FOXM1: variants seen among roughly 807,000 people sequenced by gnomAD.
The protein encoded by FOXM1 is forkhead box protein M1.
In FOXM1, 25 loss-of-function variants were observed where a neutral mutation model predicts 63.6. The observed-to-expected ratio is 0.39, with a 90% CI of 0.29 to 0.55. The LOEUF is 0.55. Ranked by LOEUF, FOXM1 falls within the 20% of genes least tolerant of loss-of-function variation. FOXM1 has a pLI of 0.60. For synonymous variants in FOXM1, 387 were observed against 376.9 expected (o/e 1.03, Z -0.31); for missense variants, 879 against 958.7 (o/e 0.92, Z 1.10).
chr12:2,873,416 A>AAG (rs888307487), intron 2 of FOXM1, among the ~76,000 whole-genome samples: 1 of 149,282 alleles, frequency 6.7e-6, no homozygotes, highest in African/African-American at 2.5e-5. Context: ...AAAAAAAAAA[A>AAG]AAGAAGGAAA....
chr12:2,865,684 C>T (rs887148837), intron 5 of FOXM1, among the ~76,000 whole-genome samples: 1 of 111,554 alleles, frequency 9.0e-6, no homozygotes, highest in African/African-American at 3.3e-5. Flanking sequence ...CAGACTTTCA[C>T]TCTTATTGCC....
rs747166060 is a variant in FOXM1, at chr12:2,872,183, C to G, written c.567G>C (p.Lys189Asn). ...NSLSNIQWLR[K>N]MSSDGLGSRS... ...GGGAGCCCAGTCCATCAGAACTCAT[C>G]TTTCGAAGCCACTGGATGTTGGATA... Residue 189 changes from lysine (K) to asparagine (N), a missense_variant, in exon 3 of 9, where the codon AAG becomes AAC. This residue lies in a region of FOXM1 where 255 missense variants were observed against 292.4 expected (regional missense o/e 0.87). Transcript: ENST00000359843. The surrounding 1 kb of genome is among the most constrained non-coding windows in gnomAD (Gnocchi z 4.0). 1.2e-6 allele frequency: 2 copies of G among 1,614,230 alleles called. No individual in the cohort carries two copies. The highest frequency in any genetic ancestry group is 1.7e-6 in the Non-Finnish European group (2 of 1,180,044).
Position 2,871,658 on chromosome 12 carries a change from A to T in FOXM1, c.654+438T>A, listed in dbSNP as rs1156823827. 4.0e-5 allele frequency among the ~76,000 whole-genome samples: 6 copies of T among 150,304 alleles called. 1 individual carries two copies. The East Asian group carries it at 1.2e-3, about 29-fold the overall frequency. ...CAGAGCAAGACGCTGTCTTAAAAAA[A>T]AAAAATATATATACGTGTATATATA... is the stretch of plus-strand genomic sequence containing the variant. On this transcript the variant is annotated intron_variant, in intron 3 of 8. Coordinates refer to ENST00000359843, the MANE Select transcript of FOXM1 (RefSeq NM_021953.4).
Position 2,872,192 on chromosome 12 carries a change from C to T in FOXM1, c.558G>A (p.Trp186Ter). ...TINNSLSNIQ[W>*]LRKMSSDGLG... ...GTCCATCAGAACTCATCTTTCGAAG[C>T]CACTGGATGTTGGATAGGCTATTGT... The change falls in exon 3 of 9, where the codon TGG becomes TGA. Residue 186 changes from tryptophan (W) to a stop codon, truncating the protein, a stop_gained. Coordinates refer to ENST00000359843, the MANE Select transcript of FOXM1 (RefSeq NM_021953.4). LOFTEE classifies it high-confidence loss of function. The surrounding 1 kb of genome is among the most constrained non-coding windows in gnomAD (Gnocchi z 4.0). 1 of 1,614,208 alleles carries T rather than the reference C, an allele frequency of 6.2e-7. No homozygotes were observed. The highest frequency in any genetic ancestry group is 8.5e-7 in the Non-Finnish European group (1 of 1,180,022).
At chr12:2,867,897 G>A (rs1369688186) in intron 4 of FOXM1, among the ~76,000 whole-genome samples, 1 of 149,054 alleles carries the variant, frequency 6.7e-6, no homozygotes, top group Non-Finnish European at 1.5e-5. Context: ...AGAATCGCTT[G>A]AACCTTGGAG....
intron 8 of FOXM1, 89 bp from the exon 9 acceptor site, chr12:2,859,752 C>A (rs1033913859): frequency 6.3e-6 from 6 of 952,210 alleles, no homozygotes; most frequent in Non-Finnish European, 7.6e-6. Context: ...CTCTTTGTGT[C>A]GTTTTGAAGT....
chr12:2,872,207 T>A lies in FOXM1; in HGVS notation c.543A>T (p.Leu181=). Residue 181 remains leucine (L), a synonymous_variant, in exon 3 of 9, where the codon CTA becomes CTT. Transcript: ENST00000359843. This position sits in a 1 kb window ranked among gnomAD's most constrained non-coding sequence, Gnocchi z 4.0. ...EAAGCTINNS[L]SNIQWLRKMS... ...TCTTTCGAAGCCACTGGATGTTGGA[T>A]AGGCTATTGTTGATAGTGCAGCCTG... 6.2e-7 allele frequency: 1 copy of A among 1,614,210 alleles called. No individual in the cohort carries two copies.
rs554558858 is a variant in FOXM1 at position 2,865,946 on chromosome 12, C to T, written c.975+447G>A. The stretch of plus-strand genomic sequence containing the variant: ...GGGATTACAGACGTGAGCCACCACA[C>T]CCAGCAGGAAGGGCTTTTTTTAGAG... On this transcript the variant is annotated intron_variant, in intron 5 of 8. Transcript: ENST00000359843. 2.6e-5 allele frequency among the ~76,000 whole-genome samples: 4 copies of T among 152,166 alleles called. No individual in the cohort carries two copies. The South Asian group carries it at 8.3e-4, about 32-fold the overall frequency.
chr12:2,858,932 A>T lies in FOXM1; in HGVS notation c.1998T>A (p.Ser666Arg). The change falls in exon 9 of 9, where the codon AGT becomes AGA. Residue 666 changes from serine to arginine, a missense_variant. Physicochemically the swap from Ser to Arg is moderately radical, Grantham distance 110. Around this residue, in one of 4 missense-constraint regions of FOXM1, gnomAD observed 486 missense variants for 453.5 expected, o/e 1.07. Coordinates refer to ENST00000359843, the MANE Select transcript of FOXM1 (RefSeq NM_021953.4). The part of the protein sequence containing the change: ...LMDLSTTPLQ[S>R]APPLESPQRL... ...TTTGCGGTGATTCAAGGGGGGGAGCACTTTGCAAGGGAGTGGTGCTGAGAT... is the reference window on the plus strand; with the variant it reads ...TTTGCGGTGATTCAAGGGGGGGAGCTCTTTGCAAGGGAGTGGTGCTGAGAT... 2 of 1,613,702 alleles carry T rather than the reference A, an allele frequency of 1.2e-6. No individual in the cohort carries two copies. The highest frequency in any genetic ancestry group is 1.7e-6 in the Non-Finnish European group (2 of 1,179,968).
rs139435894 is a variant in FOXM1 at position 2,864,352 on chromosome 12, G to C, written c.1234C>G (p.Arg412Gly). The change falls in exon 8 of 9, where the codon CGC becomes GGC. Residue 412 changes from arginine to glycine, a missense_variant. Physicochemically the swap from Arg to Gly is moderately radical, Grantham distance 125. This residue lies in a region of FOXM1 where 486 missense variants were observed against 453.5 expected (regional missense o/e 1.07). Coordinates refer to ENST00000359843, the MANE Select transcript of FOXM1 (RefSeq NM_021953.4). This position sits in a 1 kb window ranked among gnomAD's most constrained non-coding sequence, Gnocchi z 5.1. ...GCAATGCGGACTCGCTTGCTATGGC[G>C]GGCAAGCTCTGAGCTCATGAGGGAA... ...AASLMSSELA[R>G]HSKRVRIAPK... 3.0e-5 allele frequency: 49 copies of C among 1,613,004 alleles called. No homozygotes were observed. The highest frequency in any genetic ancestry group is 4.1e-5 in the Non-Finnish European group (48 of 1,179,336).
Position 2,865,386 on chromosome 12 carries a change from C to A in FOXM1, c.989G>T (p.Gly330Val), listed in dbSNP as rs765186258. 3.7e-6 allele frequency: 6 copies of A among 1,610,232 alleles called. No homozygotes were observed. The highest frequency in any genetic ancestry group is 5.1e-6 in the Non-Finnish European group (6 of 1,177,916). The stretch of plus-strand genomic sequence containing the variant: ...CAAGTGCTCGGGCAATTGTGGAGAC[C>A]CTGGGTCCAGTGGCTGGTGGCGGCC... The part of the protein sequence containing the change: ...LDQVFKPLDP[G>V]SPQLPEHLES... Residue 330 changes from glycine to valine, a missense_variant, in exon 6 of 9, where the codon GGG becomes GTG. Gly to Val is a moderately radical substitution (Grantham distance 109). Transcript: ENST00000359843.
intron 8 of FOXM1, chr12:2,861,149 CAG>C: frequency 4.2e-6 from 2 of 471,630 alleles, no homozygotes; most frequent in South Asian, 4.8e-5. Flanking sequence ...GCCTGGGTGA[CAG>C]AGCAAGACTC....
intron 8 of FOXM1, among the ~76,000 whole-genome samples, chr12:2,861,700 C>T (rs1294403579): frequency 6.6e-6 from 1 of 152,156 alleles, no homozygotes; most frequent in Non-Finnish European, 1.5e-5. Context: ...GAGATCCTTG[C>T]AAACATATTT....
At chr12:2,869,725 T>C (rs1351426958) in intron 3 of FOXM1, among the ~76,000 whole-genome samples, 2 of 150,884 alleles carry the variant, frequency 1.3e-5, no homozygotes, top group Admixed American at 1.3e-4. Context: ...GCATGAGCCA[T>C]TGCGCCTGGC....
At chr12:2,867,670 A>C (rs1157858936) in intron 4 of FOXM1, among the ~76,000 whole-genome samples, 1 of 150,164 alleles carries the variant, frequency 6.7e-6, no homozygotes, top group African/African-American at 2.5e-5. Flanking sequence ...TCAAAAAAAA[A>C]AAAAACATAG....
In FOXM1 at chr12:2,866,451, G is replaced by C; in HGVS notation, c.917C>G (p.Ser306Cys). Residue 306 changes from serine to cysteine, a missense_variant, in exon 5 of 9, where the codon TCC (serine) becomes TGC (cysteine). Ser to Cys is a moderately radical substitution (Grantham distance 112). Transcript: ENST00000359843. ...GGCACTGGGGTGAATGGTCCAGAAG[G>C]AGACCTTGCCATTGGCAGACGTCTC... ...VRETSANGKV[S>C]FWTIHPSANR... 6.4e-7 allele frequency: 1 copy of C among 1,571,826 alleles called. No homozygotes were observed. Among genetic ancestry groups the C allele is most frequent in the South Asian group, 1.2e-5 (1 of 85,386 alleles).
chr12:2,873,331 G>A (rs1467089632), intron 2 of FOXM1, among the ~76,000 whole-genome samples: 3 of 149,314 alleles, frequency 2.0e-5, no homozygotes, highest in African/African-American at 7.5e-5. Flanking sequence ...CCCAGAAGGT[G>A]GAGATTGCAG....
chr12:2,869,990 C>T (rs1408893947), intron 3 of FOXM1, among the ~76,000 whole-genome samples: 2 of 150,452 alleles, frequency 1.3e-5, no homozygotes, highest in East Asian at 3.9e-4. Context: ...TGTAAATTTT[C>T]ACTTTTTTTT....
rs946358697 is a variant in FOXM1 at position 2,858,099 on chromosome 12, G to A, written c.*539C>T. On this transcript the variant is annotated 3_prime_UTR_variant, in exon 9 of 9. Transcript: ENST00000359843. ...ATCCACTTGTCTGGGTCCCTGCAGT[G>A]AAGAACCCAAGATCCAGGTACCTCA... 17 of 152,966 alleles carry A rather than the reference G, an allele frequency of 1.1e-4. No individual in the cohort carries two copies. The highest frequency in any genetic ancestry group is 3.3e-4 in the Admixed American group (5 of 15,280). The allele number at this position is 152,966 out of a possible 1,614,324, so 9.5% of individuals were successfully genotyped here.
Sources: gnomAD v4.1 joint callset for allele counts (sites outside exome capture counted in the v4.1 genomes callset) on GRCh38, gnomAD v4.1.1 for gene constraint, gnomAD v4.1.1 regional missense constraint, Gnocchi (gnomAD v3.1) non-coding constraint, MANE v1.5 for transcripts, NCBI Gene and HGNC (gene_info 2026-07-23, HGNC 2026-07-21) for gene names.